The following SPATA6 variants were observed in gnomAD, a reference collection of about 807,000 sequenced individuals.
SPATA6 encodes spermatogenesis associated 6.
In SPATA6, 56 loss-of-function variants were observed where a neutral mutation model predicts 65.3. The ratio of observed to expected loss-of-function variants is 0.86; its 90% CI spans 0.69 to 1.07. The LOEUF is 1.07. Among genes scored for constraint, SPATA6 ranks in the 50% least tolerant of loss-of-function variants. The pLI is 0.00. For synonymous variants in SPATA6, 199 were observed against 213.2 expected (o/e 0.93, Z 0.58); for missense variants, 590 against 594.8 (o/e 0.99, Z 0.08).
At chr1:48,463,628 C>T (rs1343569536) in intron 1 of SPATA6, among the ~76,000 whole-genome samples, 1 of 151,902 alleles carries the variant, frequency 6.6e-6, no homozygotes, top group Non-Finnish European at 1.5e-5. Flanking sequence ...TTCAGGATAC[C>T]GATTGGCCAA....
intron 11 of SPATA6, among the ~76,000 whole-genome samples, chr1:48,311,955 G>T (rs182098481): frequency 6.6e-5 from 10 of 152,168 alleles, no homozygotes; most frequent in Non-Finnish European, 1.2e-4. Context: ...CTACGCCCAC[G>T]GAGCCTCACT....
intron 4 of SPATA6, among the ~76,000 whole-genome samples, chr1:48,412,019 A>T (rs1652288601): frequency 6.6e-6 from 1 of 152,026 alleles, no homozygotes; most frequent in African/African-American, 2.4e-5. Flanking sequence ...GGCATGCGCC[A>T]CCACACCTAG....
intron 11 of SPATA6, among the ~76,000 whole-genome samples, chr1:48,326,765 A>C (rs905439760): frequency 6.6e-6 from 1 of 152,188 alleles, no homozygotes; most frequent in Non-Finnish European, 1.5e-5. Flanking sequence ...AGGACACCTT[A>C]TTCAATGAAT....
Position 48,352,214 on chromosome 1 carries a change from G to C in SPATA6, c.1194+3456C>G, listed in dbSNP as rs192645738. Among the ~76,000 whole-genome samples the C allele has an allele frequency of 5.3e-4, 80 of 152,090 alleles. 1 individual carries two copies. In the East Asian group the frequency reaches 0.015, roughly 29 times the overall value. The stretch of plus-strand genomic sequence containing the variant: ...TTTTAAAAACCATCAGACCTCATGA[G>C]ACTTATTCACTATCAAGAGAACAGC... On this transcript the variant is annotated intron_variant, in intron 11 of 12. Coordinates refer to ENST00000371847, the MANE Select transcript of SPATA6 (RefSeq NM_019073.4).
intron 6 of SPATA6, among the ~76,000 whole-genome samples, chr1:48,402,962 T>A (rs1310432562): frequency 2.0e-5 from 3 of 152,104 alleles, no homozygotes; most frequent in African/African-American, 7.2e-5. Context: ...GCAGATTGCT[T>A]GAGCTCCAGA....
intron 11 of SPATA6, among the ~76,000 whole-genome samples, chr1:48,346,772 T>G (rs1479758323): frequency 3.3e-5 from 5 of 151,692 alleles, no homozygotes; most frequent in Non-Finnish European, 7.4e-5. Context: ...AGGTGAAAGA[T>G]CTCTACAAGG....
chr1:48,434,861 C>G (rs1654747328), intron 3 of SPATA6, among the ~76,000 whole-genome samples: 1 of 152,054 alleles, frequency 6.6e-6, no homozygotes. Flanking sequence ...TTATTTTGTT[C>G]TGGTAGATTC....
At chr1:48,366,632 G>T (rs1168270030) in intron 9 of SPATA6, among the ~76,000 whole-genome samples, 3 of 151,962 alleles carry the variant, frequency 2.0e-5, no homozygotes, top group African/African-American at 7.3e-5. Context: ...CTGTGTGATC[G>T]GTGGTGATAT....
At chr1:48,442,358 G>A (rs2485910) in intron 3 of SPATA6, among the ~76,000 whole-genome samples, 21,738 of 152,104 alleles carry the variant, frequency 0.14, 1,762 homozygotes, top group African/African-American at 0.21. Flanking sequence ...TAACCACTGG[G>A]GGAACCACCA....
At chr1:48,319,891 T>C (rs906968304) in intron 11 of SPATA6, among the ~76,000 whole-genome samples, 1 of 152,120 alleles carries the variant, frequency 6.6e-6, no homozygotes, top group Non-Finnish European at 1.5e-5. Context: ...CAAAGACAGA[T>C]ACCACATCCA....
At chr1:48,308,650 C>G (rs1191219168) in intron 11 of SPATA6, among the ~76,000 whole-genome samples, 2 of 152,018 alleles carry the variant, frequency 1.3e-5, no homozygotes. Context: ...TAGTGATAAA[C>G]TTGGTTTTAT....
chr1:48,395,155 A>G lies in SPATA6; in HGVS notation c.868+112T>C, dbSNP rs1650462678. 2.8e-5 allele frequency: 20 copies of G among 721,030 alleles called. No individual in the cohort carries two copies. In the South Asian group the frequency reaches 5.4e-4, roughly 19 times the overall value. The allele number at this position is 721,030 out of a possible 1,614,324, so 44.7% of individuals were successfully genotyped here. A position where few individuals can be genotyped will look rare whatever the true frequency, so the allele number is the denominator to read the frequency against. On this transcript the variant is annotated intron_variant, in intron 8 of 12. Transcript: ENST00000371847. ...AAGTTGTAAAAAGCTACATTATACAATATTATCCAATAATGTAACAAAGAT... is the reference window on the plus strand; with the variant it reads ...AAGTTGTAAAAAGCTACATTATACAGTATTATCCAATAATGTAACAAAGAT...
At position 48,297,436 on chromosome 1, in the gene SPATA6, A is replaced by C. The variant is rs1034341309; in HGVS notation, c.*1277T>G. ...TTTCTGATATATCACAGACTGTGAT[A>C]CTAAAGCACCCTTAACATGATGTTA... On this transcript the variant is annotated 3_prime_UTR_variant, in exon 13 of 13. Transcript: ENST00000371847. 1 of 152,188 alleles carries C rather than the reference A, an allele frequency of 6.6e-6. No individual in the cohort carries two copies. Among genetic ancestry groups the C allele is most frequent in the Non-Finnish European group, 1.5e-5 (1 of 68,018 alleles). 9.4% of individuals were successfully genotyped at this position (152,188 alleles called of 1,614,324 possible).
chr1:48,412,014 G>T (rs1652287603), intron 4 of SPATA6, among the ~76,000 whole-genome samples: 1 of 151,914 alleles, frequency 6.6e-6, no homozygotes, highest in Non-Finnish European at 1.5e-5. Context: ...CTACAGGCAT[G>T]CGCCACCACA....
intron 3 of SPATA6, among the ~76,000 whole-genome samples, chr1:48,443,915 A>C (rs1409459956): frequency 6.6e-6 from 1 of 152,204 alleles, no homozygotes; most frequent in Non-Finnish European, 1.5e-5. Context: ...AGCTCAACCA[A>C]CAACTTCTAC....
At chr1:48,434,093 T>C (rs189851219) in intron 3 of SPATA6, among the ~76,000 whole-genome samples, 2 of 152,154 alleles carry the variant, frequency 1.3e-5, no homozygotes, top group East Asian at 1.9e-4. Flanking sequence ...AATCACAAGA[T>C]TGTAACACTA....
intron 3 of SPATA6, chr1:48,447,948 T>C (rs1473046087): frequency 6.6e-6 from 1 of 152,138 alleles, no homozygotes; most frequent in African/African-American, 2.4e-5. Flanking sequence ...CTTTGCACAT[T>C]GGCAGTATCG....
intron 9 of SPATA6, among the ~76,000 whole-genome samples, chr1:48,363,767 C>T (rs1026786744): frequency 6.6e-6 from 1 of 150,776 alleles, no homozygotes; most frequent in Non-Finnish European, 1.5e-5. Context: ...TCTTTTTTTT[C>T]ATGTTGCCTT....
At position 48,298,722 on chromosome 1, in the gene SPATA6, T is replaced by C. The variant is rs1402556473; in HGVS notation, c.1458A>G (p.Glu486=). ...KACSSASHTQ[E]SF ...TTTATCATGGATGGTCTCAGAAGCT[T>C]TCCTGTGTATGTGAAGCAGAACTAC... is the stretch of plus-strand genomic sequence containing the variant. The change falls in exon 13 of 13, where the codon GAA becomes GAG. Residue 486 remains glutamate (E), a synonymous_variant. Coordinates refer to ENST00000371847, the MANE Select transcript of SPATA6 (RefSeq NM_019073.4). The C allele has an allele frequency of 6.2e-7, 1 of 1,612,068 alleles. No individual in the cohort carries two copies. The highest frequency in any genetic ancestry group is 8.5e-7 in the Non-Finnish European group (1 of 1,179,128).
Sources: allele counts gnomAD v4.1 joint callset (sites outside exome capture counted in the v4.1 genomes callset), GRCh38; gene constraint gnomAD v4.1.1; transcripts MANE v1.5; gene names NCBI Gene and HGNC (gene_info 2026-07-23, HGNC 2026-07-21).